RRBP1: variants seen among roughly 807,000 people sequenced by gnomAD.
RRBP1 encodes the protein ribosome binding protein 1.
RRBP1 carries 94 observed loss-of-function variants against 165.2 expected under a neutral mutation model. The observed-to-expected ratio is 0.57, with a 90% CI of 0.48 to 0.68. The LOEUF is 0.68. Among genes scored for constraint, RRBP1 ranks in the 30% least tolerant of loss-of-function variants. RRBP1 has a pLI of 0.00. For synonymous variants in RRBP1, 680 were observed against 714.5 expected, an observed-to-expected ratio of 0.95 and a Z score of 0.77; for missense variants, 1,676 against 1,763.0, an observed-to-expected ratio of 0.95 and a Z score of 0.88.
intron 8 of RRBP1, among the ~76,000 whole-genome samples, chr20:17,632,277 A>G (rs1447735393): frequency 6.6e-6 from 1 of 152,170 alleles, no homozygotes; most frequent in Non-Finnish European, 1.5e-5. Context: ...AGGACAGGAG[A>G]TACTGGGAGC....
rs141980056 is a variant in RRBP1, at chr20:17,622,494, T to C, written c.3148-547A>G. On this transcript the variant is annotated intron_variant, in intron 13 of 24. Coordinates refer to ENST00000377813, the MANE Select transcript of RRBP1 (RefSeq NM_001365613.2). ...GGAAGGGGCAACCCAGAGAGGCTCATCTCCAGCCACCCTGGAGAGGGTGGA... is the reference window on the plus strand; with the variant it reads ...GGAAGGGGCAACCCAGAGAGGCTCACCTCCAGCCACCCTGGAGAGGGTGGA... Among the ~76,000 whole-genome samples, 417 of 151,836 alleles carry C rather than the reference T, an allele frequency of 2.7e-3. 3 individuals are homozygous for C. Among genetic ancestry groups the C allele is most frequent in the African/African-American group, 9.4e-3 (388 of 41,414 alleles).
chr20:17,638,477 C>G (rs2036287603), intron 5 of RRBP1, among the ~76,000 whole-genome samples: 1 of 152,166 alleles, frequency 6.6e-6, no homozygotes, highest in East Asian at 1.9e-4. Context: ...GTCTGCAGAC[C>G]CCTATCTCCT....
intron 3 of RRBP1, among the ~76,000 whole-genome samples, chr20:17,653,726 T>A (rs2036598498): frequency 6.7e-6 from 1 of 149,954 alleles, no homozygotes; most frequent in Admixed American, 6.7e-5. Flanking sequence ...CCCAGCTACT[T>A]GGGAGGCTGA....
intron 11 of RRBP1, 58 bp downstream of exon 11, chr20:17,627,290 G>C (rs1600733497): frequency 2.5e-6 from 4 of 1,589,732 alleles, no homozygotes; most frequent in Non-Finnish European, 3.4e-6. Context: ...CCCCCCAAGG[G>C]TCTTTGGTCC....
chr20:17,664,004 A>T (rs2036819528), intron 2 of RRBP1, among the ~76,000 whole-genome samples: 1 of 152,262 alleles, frequency 6.6e-6, no homozygotes, highest in South Asian at 2.1e-4. Context: ...AACTGCAGTA[A>T]TACTGAATCC....
chr20:17,629,111 G>A (rs1323143614), intron 9 of RRBP1, among the ~76,000 whole-genome samples: 1 of 152,264 alleles, frequency 6.6e-6, no homozygotes, highest in Non-Finnish European at 1.5e-5. Context: ...ACCCTGCCCT[G>A]AACACAGTCC....
At position 17,659,824 on chromosome 20, in the gene RRBP1, C is replaced by T. The variant is rs1350539838; in HGVS notation, c.684G>A (p.Gln228=). 6.4e-7 allele frequency: 1 copy of T among 1,550,564 alleles called. No homozygotes were observed. Residue 228 remains glutamine, a synonymous_variant, in exon 3 of 25, where the codon CAG becomes CAA. Coordinates refer to ENST00000377813, the MANE Select transcript of RRBP1 (RefSeq NM_001365613.2). The part of the protein sequence containing the change: ...QGRKAEGTPN[Q]GKKTEGTPNQ... ...TTGGGGTTCCCTCTGTCTTTTTGCC[C>T]TGGTTTGGGGTTCCCTCTGCCTTTC...
In RRBP1 at chr20:17,615,476, G is replaced by C. The variant is rs375515144; in HGVS notation, c.4005C>G (p.Ala1335=). 1.2e-6 allele frequency: 2 copies of C among 1,608,370 alleles called. No homozygotes were observed. Among genetic ancestry groups the C allele is most frequent in the Non-Finnish European group, 1.7e-6 (2 of 1,178,062 alleles). ...LQEELEKLRT[A]GPLESSETEE... ...CTGTTTCTGAAGACTCTAGGGGGCCGGCTGTGCGGAGCTTCTCCAATTCTT... is the reference window on the plus strand; with the variant it reads ...CTGTTTCTGAAGACTCTAGGGGGCCCGCTGTGCGGAGCTTCTCCAATTCTT... The change falls in exon 23 of 25, where the codon GCC becomes GCG. Residue 1335 remains alanine (A), a synonymous_variant. Coordinates refer to ENST00000377813, the MANE Select transcript of RRBP1 (RefSeq NM_001365613.2).
At chr20:17,663,363 ACC>A (rs2036806297) in intron 2 of RRBP1, among the ~76,000 whole-genome samples, 1 of 152,230 alleles carries the variant, frequency 6.6e-6, no homozygotes, top group Non-Finnish European at 1.5e-5. Flanking sequence ...CTCTGTTGGG[ACC>A]CAGAATCGAG....
At position 17,659,358 on chromosome 20, in the gene RRBP1, C is replaced by T. The variant is rs1278863026; in HGVS notation, c.1150G>A (p.Gly384Arg). ...ACTTTTTTGCCCTGGTTCTGAGCCC[C>T]CTCGGCCTTTTTGCCCTGGTTCTGA... The part of the protein sequence containing the change: ...GAQNQGKKAE[G>R]AQNQGKKVEG... Residue 384 changes from glycine (G) to arginine (R), a missense_variant, in exon 3 of 25, where the codon GGG becomes AGG. Coordinates refer to ENST00000377813, the MANE Select transcript of RRBP1 (RefSeq NM_001365613.2). 1 of 1,538,824 alleles carries T rather than the reference C, an allele frequency of 6.5e-7. No homozygotes were observed. The highest frequency in any genetic ancestry group is 2.0e-5 in the Admixed American group (1 of 50,170).
In RRBP1 at chr20:17,660,124, G is replaced by C. The variant is rs773567002; in HGVS notation, c.384C>G (p.Pro128=). The C allele has an allele frequency of 1.2e-6, 2 of 1,614,122 alleles. No individual in the cohort carries two copies. Among genetic ancestry groups the C allele is most frequent in the South Asian group, 2.2e-5 (2 of 91,078 alleles). Residue 128 remains proline, a synonymous_variant, in exon 3 of 25, where the codon CCC becomes CCG. Coordinates refer to ENST00000377813, the MANE Select transcript of RRBP1 (RefSeq NM_001365613.2). The part of the protein sequence containing the change: ...VAPVATVPAM[P]QEKLASSPKD... ...TGGGGGAGGAGGCCAGCTTCTCCTG[G>C]GGCATGGCTGGAACTGTGGCGACAG...
At chr20:17,679,802 A>G (rs534170775) in intron 2 of RRBP1, among the ~76,000 whole-genome samples, 197 bp downstream of exon 2, 1 of 152,334 alleles carries the variant, frequency 6.6e-6, no homozygotes, top group South Asian at 2.1e-4. Flanking sequence ...ATCTCTCTGT[A>G]AATGTTCAGA....
At chr20:17,681,517 C>T (rs1171350562) in intron 1 of RRBP1, among the ~76,000 whole-genome samples, 1 of 133,306 alleles carries the variant, frequency 7.5e-6, no homozygotes, top group Non-Finnish European at 1.6e-5. Context: ...CCGCCCTCCT[C>T]CCCTCGGCCG....
intron 3 of RRBP1, among the ~76,000 whole-genome samples, chr20:17,646,688 T>C (rs1346968475): frequency 6.6e-6 from 1 of 152,012 alleles, no homozygotes; most frequent in Non-Finnish European, 1.5e-5. Flanking sequence ...CACCCCAAAT[T>C]TCAAAATGAC....
chr20:17,632,529 CTT>C (rs1294847985), intron 8 of RRBP1, among the ~76,000 whole-genome samples: 1 of 152,230 alleles, frequency 6.6e-6, no homozygotes, highest in African/African-American at 2.4e-5. Flanking sequence ...TCCATGTTCT[CTT>C]TTAGTCCTTG....
chr20:17,639,249 T>C (rs1396745383), intron 5 of RRBP1, among the ~76,000 whole-genome samples: 1 of 152,232 alleles, frequency 6.6e-6, no homozygotes, highest in Non-Finnish European at 1.5e-5. Flanking sequence ...CATCAACTCC[T>C]GCAGACAGTG....
chr20:17,656,077 C>T (rs1275426063), intron 3 of RRBP1, among the ~76,000 whole-genome samples: 2 of 152,156 alleles, frequency 1.3e-5, no homozygotes, highest in Admixed American at 6.5e-5. Flanking sequence ...GGGGAGTGGC[C>T]CAAATCCACC....
chr20:17,644,184 G>A lies in RRBP1; in HGVS notation c.1913-1057C>T, dbSNP rs574026183. Among the ~76,000 whole-genome samples the A allele has an allele frequency of 5.9e-5, 9 of 152,284 alleles. No homozygotes were observed. The South Asian group carries it at 1.7e-3, about 28-fold the overall frequency. ...GGCACGATACCTTAATGAGGGGAAC[G>A]TGGGATGTGGGCGAGCTGGTTGCTA... On this transcript the variant is annotated intron_variant, in intron 3 of 24. Coordinates refer to ENST00000377813, the MANE Select transcript of RRBP1 (RefSeq NM_001365613.2).
In RRBP1 at chr20:17,621,489, C is replaced by G; in HGVS notation, c.3383G>C (p.Cys1128Ser). 1 of 1,612,882 alleles carries G rather than the reference C, an allele frequency of 6.2e-7. No individual in the cohort carries two copies. Among genetic ancestry groups the G allele is most frequent in the Non-Finnish European group, 8.5e-7 (1 of 1,179,962 alleles). ...CGCCAGGATGCTGCGGTACTGGTCA[C>G]ACTCGGCCTGCAGTGTGCTCTGCGT... Reference protein sequence around the residue: ...EETQSTLQAECDQYRSILAET... With the variant: ...EETQSTLQAESDQYRSILAET... Residue 1128 changes from cysteine (C) to serine (S), a missense_variant, in exon 16 of 25, where the codon TGT becomes TCT. Physicochemically the swap from Cys to Ser is moderately radical, Grantham distance 112. Around this residue, in one of 5 missense-constraint regions of RRBP1, gnomAD observed 1,184 missense variants for 1,167.1 expected, o/e 1.01. Transcript: ENST00000377813.
Sources: allele counts gnomAD v4.1 joint callset (sites outside exome capture counted in the v4.1 genomes callset), GRCh38; gene constraint gnomAD v4.1.1; regional missense constraint gnomAD v4.1.1; transcripts MANE v1.5; gene names NCBI Gene and HGNC (gene_info 2026-07-23, HGNC 2026-07-21).